The following HEATR3 variants were observed in gnomAD, a reference collection of about 807,000 sequenced individuals.
HEATR3 encodes the protein HEAT repeat containing 3, also known as HEAT repeat-containing protein 3.
HEATR3 carries 56 observed loss-of-function variants against 72.8 expected under a neutral mutation model. The ratio of observed to expected loss-of-function variants is 0.77; its 90% CI spans 0.62 to 0.96. The LOEUF is 0.96. Among genes scored for constraint, HEATR3 ranks in the 40% least tolerant of loss-of-function variants. The probability of loss-of-function intolerance (pLI) is 0.00; values close to 1 mark genes in which losing one functional copy is unlikely to be tolerated. For missense variants in HEATR3, 747 were observed against 831.4 expected, an observed-to-expected ratio of 0.90 and a Z score of 1.25; for synonymous variants, 331 against 318.1, an observed-to-expected ratio of 1.04 and a Z score of -0.43.
At chr16:50,077,043 AT>A (rs1049421077) in intron 6 of HEATR3, among the ~76,000 whole-genome samples, 206 of 140,770 alleles carry the variant, frequency 1.5e-3, no homozygotes, top group Non-Finnish European at 1.4e-3. Flanking sequence ...AATTTTTTGT[AT>A]TTTTTTTTTT....
intron 14 of HEATR3, 125 bp downstream of exon 14, chr16:50,102,560 C>T (rs2037392713): frequency 2.9e-6 from 2 of 697,400 alleles, no homozygotes; most frequent in Non-Finnish European, 4.6e-6. Flanking sequence ...AGCACAGCAT[C>T]CCCAGTACTT....
In HEATR3 at chr16:50,066,159, A is replaced by G. The variant is rs765112597; in HGVS notation, c.28A>G (p.Lys10Glu). 6.3e-7 allele frequency: 1 copy of G among 1,596,834 alleles called. No homozygotes were observed. Among genetic ancestry groups the G allele is most frequent in the Non-Finnish European group, 8.5e-7 (1 of 1,173,220 alleles). The change falls in exon 1 of 15, where the codon AAG becomes GAG. Residue 10 changes from lysine (K) to glutamate (E), a missense_variant. Physicochemically the swap from Lys to Glu is moderately conservative, Grantham distance 56 (BLOSUM62 1). This residue lies in a region of HEATR3 where 161 missense variants were observed against 122.6 expected (regional missense o/e 1.31). Transcript: ENST00000299192. MGKSRTKRF[K>E]RPQFSPTGDC... ...GGGCAAGAGCCGGACGAAGCGCTTCAAGCGACCTCAGTTCTCCCCTACGGG... is the reference window on the plus strand; with the variant it reads ...GGGCAAGAGCCGGACGAAGCGCTTCGAGCGACCTCAGTTCTCCCCTACGGG...
chr16:50,074,231 G>A (rs1445240001), intron 5 of HEATR3: 1 of 152,024 alleles, frequency 6.6e-6, no homozygotes, highest in Admixed American at 6.6e-5. Context: ...TGCTCTGCCA[G>A]AAATAACCCT....
At chr16:50,098,520 G>C (rs1435695030) in intron 12 of HEATR3, among the ~76,000 whole-genome samples, 1 of 152,108 alleles carries the variant, frequency 6.6e-6, no homozygotes, top group Non-Finnish European at 1.5e-5. Context: ...GCCGGGTGTG[G>C]TGGCGGGTGC....
intron 9 of HEATR3, 67 bp from the exon 10 acceptor site, chr16:50,084,502 T>C: frequency 4.1e-6 from 5 of 1,230,690 alleles, no homozygotes; most frequent in Non-Finnish European, 5.9e-6. Context: ...TATGTTGGAA[T>C]TATGTAAGGG....
chr16:50,092,955 A>T (rs1473912490), intron 11 of HEATR3, among the ~76,000 whole-genome samples: 1 of 152,238 alleles, frequency 6.6e-6, no homozygotes, highest in African/African-American at 2.4e-5. Flanking sequence ...TAGTGTGGAA[A>T]GGCCTCTGTG....
rs371702657 is a variant in HEATR3 at position 50,091,805 on chromosome 16, C to T, written c.1511-2900C>T. On this transcript the variant is annotated intron_variant, in intron 11 of 14. Coordinates refer to ENST00000299192, the MANE Select transcript of HEATR3 (RefSeq NM_182922.4). ...AGGAGAATGGCATGAACCTGGGAGG[C>T]GGAGCTTGCAGTGAGCCAAGATCGC... Among the ~76,000 whole-genome samples the T allele has an allele frequency of 6.5e-4, 93 of 144,168 alleles. 1 individual carries two copies. The East Asian group carries it at 0.016, about 24-fold the overall frequency. 94.6% of individuals were successfully genotyped at this position (144,168 alleles called of 152,430 possible). A position where few individuals can be genotyped will look rare whatever the true frequency, so the allele number is the denominator to read the frequency against.
chr16:50,070,689 G>A (rs114877655), intron 4 of HEATR3, among the ~76,000 whole-genome samples: 1,882 of 151,352 alleles, frequency 0.012, 38 homozygotes, highest in African/African-American at 0.043. Context: ...GGGACAGGGC[G>A]AAATTCCTGT....
intron 5 of HEATR3, 106 bp downstream of exon 5, chr16:50,072,820 T>C: frequency 1.4e-6 from 1 of 717,694 alleles, no homozygotes; most frequent in Non-Finnish European, 2.5e-6. Context: ...TTTGTTTCGT[T>C]GTATGTGAAT....
chr16:50,092,577 C>CA (rs1288245042), intron 11 of HEATR3, among the ~76,000 whole-genome samples: 2 of 151,478 alleles, frequency 1.3e-5, no homozygotes, highest in Non-Finnish European at 2.9e-5. Flanking sequence ...GCTGGGACTA[C>CA]AGGCGCCCGC....
intron 4 of HEATR3, among the ~76,000 whole-genome samples, chr16:50,070,767 C>T (rs1032222849): frequency 1.3e-5 from 2 of 152,074 alleles, no homozygotes; most frequent in Non-Finnish European, 2.9e-5. Context: ...CCTTCCCAGT[C>T]CGTTTTCTTA....
chr16:50,075,728 C>T lies in HEATR3; in HGVS notation c.763+17C>T, dbSNP rs200679852. On this transcript the variant is annotated intron_variant, in intron 6 of 14. Transcript: ENST00000299192. Reference sequence around the variant, plus strand: ...TGGTAGCAGGTAAAATTTAGCCTTACGGCATAGTATATTGTTTCAGTAGCT... The same window carrying T: ...TGGTAGCAGGTAAAATTTAGCCTTATGGCATAGTATATTGTTTCAGTAGCT... The T allele has an allele frequency of 5.6e-6, 9 of 1,607,052 alleles. No homozygotes were observed. The highest frequency in any genetic ancestry group is 2.2e-5 in the South Asian group (2 of 90,870).
intron 6 of HEATR3, among the ~76,000 whole-genome samples, chr16:50,076,019 T>TG (rs2036719581): frequency 6.7e-6 from 1 of 150,254 alleles, no homozygotes; most frequent in East Asian, 1.9e-4. Context: ...TTCCATAAGT[T>TG]TTTTTTTTTT....
intron 3 of HEATR3, 83 bp from the exon 4 acceptor site, chr16:50,070,095 C>T: frequency 1.7e-6 from 1 of 600,636 alleles, no homozygotes. Context: ...TGATGTCTAG[C>T]CTTTGTGTTT....
intron 4 of HEATR3, 127 bp downstream of exon 4, chr16:50,070,417 G>A (rs1057441671): frequency 4.2e-5 from 17 of 406,754 alleles, no homozygotes; most frequent in African/African-American, 3.6e-4. Context: ...GACATGGTAG[G>A]GGCCGGACAT....
chr16:50,074,078 A>G (rs1455557950), intron 5 of HEATR3: 12 of 152,250 alleles, frequency 7.9e-5, no homozygotes, highest in African/African-American at 2.9e-4. Context: ...AAATGCATAT[A>G]TGTGGATTTC....
At chr16:50,090,176 GA>G (rs2037077905) in intron 11 of HEATR3, among the ~76,000 whole-genome samples, 2 of 152,050 alleles carry the variant, frequency 1.3e-5, no homozygotes, top group Admixed American at 1.3e-4. Context: ...GCAACATAGT[GA>G]TACCCTGTCT....
At chr16:50,067,594 G>C (rs1260563096) in intron 2 of HEATR3, among the ~76,000 whole-genome samples, 1 of 126,416 alleles carries the variant, frequency 7.9e-6, no homozygotes, top group Non-Finnish European at 1.7e-5. Context: ...TGAGCTGTAC[G>C]ATGGTGTAGG....
chr16:50,081,789 G>A (rs1013892134), intron 7 of HEATR3, among the ~76,000 whole-genome samples: 3 of 152,112 alleles, frequency 2.0e-5, no homozygotes, highest in African/African-American at 7.2e-5. Context: ...TGGTTTTTTT[G>A]TGGGGGCACA....
Sources: allele counts gnomAD v4.1 joint callset (sites outside exome capture counted in the v4.1 genomes callset), GRCh38; gene constraint gnomAD v4.1.1; regional missense constraint gnomAD v4.1.1; transcripts MANE v1.5; gene names NCBI Gene and HGNC (gene_info 2026-07-23, HGNC 2026-07-21).